The following PC variants were observed in gnomAD, a reference collection of about 807,000 sequenced individuals.
PC encodes the protein pyruvate carboxylase.
Under a neutral mutation model 107.8 loss-of-function variants are expected in PC, and 46 were observed. The observed-to-expected ratio is 0.43, with a 90% CI of 0.34 to 0.55. PC has a LOEUF of 0.55. Among genes scored for constraint, PC ranks in the 20% least tolerant of loss-of-function variants. The pLI is 0.04. For synonymous variants in PC, 662 were observed against 684.7 expected (o/e 0.97, Z 0.52); for missense variants, 1,241 against 1,643.1 (o/e 0.76, Z 4.23).
At chr11:66,908,330 T>C (rs559555918) in intron 3 of PC, among the ~76,000 whole-genome samples, 10 of 152,232 alleles carry the variant, frequency 6.6e-5, no homozygotes, top group African/African-American at 2.4e-4. Flanking sequence ...ACTGGTGACA[T>C]CATGGGCCTG....
At chr11:66,928,236 A>C (rs1948765172) in intron 3 of PC, among the ~76,000 whole-genome samples, 1 of 151,954 alleles carries the variant, frequency 6.6e-6, no homozygotes. Context: ...AATACAAAAA[A>C]ATTAGCCAGG....
In PC at chr11:66,867,637, A is replaced by G. The variant is rs116262260; in HGVS notation, c.1022+1209T>C. Among the ~76,000 whole-genome samples, 58 of 152,252 alleles carry G rather than the reference A, an allele frequency of 3.8e-4. 1 individual carries two copies. In the East Asian group the frequency reaches 0.01, roughly 27 times the overall value. On this transcript the variant is annotated intron_variant, in intron 10 of 22. Transcript: ENST00000393960. ...TCGAGGGTCAGAGAGGTTGGAGCTCACCCAGGCTCCACGTGGCTTGGGACC... is the reference window on the plus strand; with the variant it reads ...TCGAGGGTCAGAGAGGTTGGAGCTCGCCCAGGCTCCACGTGGCTTGGGACC...
chr11:66,868,032 G>A (rs1389034992), intron 10 of PC, among the ~76,000 whole-genome samples: 1 of 152,268 alleles, frequency 6.6e-6, no homozygotes, highest in Non-Finnish European at 1.5e-5. Context: ...CATCATGACT[G>A]TCATTTAGAA....
In PC at chr11:66,863,939, C is replaced by G; in HGVS notation, c.1203G>C (p.Glu401Asp). ...CATTATCCAGGCGGATGCCCATGCC[C>G]TCTCCGCTCCGGAACACCTGTGGGA... Reference protein sequence around the residue: ...TGRIEVFRSGEGMGIRLDNAS... With the variant: ...TGRIEVFRSGDGMGIRLDNAS... Residue 401 changes from glutamate to aspartate, a missense_variant, in exon 12 of 23, where the codon GAG (glutamate) becomes GAC (aspartate). Around this residue, in one of 2 missense-constraint regions of PC, gnomAD observed 1,143 missense variants for 1,551.9 expected, o/e 0.74. Transcript: ENST00000393960. The G allele has an allele frequency of 6.2e-7, 1 of 1,613,908 alleles. No individual in the cohort carries two copies. The highest frequency in any genetic ancestry group is 8.5e-7 in the Non-Finnish European group (1 of 1,180,026).
chr11:66,950,368 G>A (rs60917253), intron 3 of PC, among the ~76,000 whole-genome samples: 6,296 of 152,242 alleles, frequency 0.041, 410 homozygotes, highest in African/African-American at 0.14. Context: ...CAGCTGTCCC[G>A]TGCCCTCCCG....
At chr11:66,948,016 T>TAGATAGAA (rs1949343765) in intron 3 of PC, among the ~76,000 whole-genome samples, 1 of 43,236 alleles carries the variant, frequency 2.3e-5, no homozygotes, top group Admixed American at 1.9e-4. Flanking sequence ...CTACTAAAGA[T>TAGATAGAA]AGATAGATAG....
intron 3 of PC, among the ~76,000 whole-genome samples, chr11:66,916,870 C>T (rs897607903): frequency 6.6e-6 from 1 of 151,956 alleles, no homozygotes; most frequent in Non-Finnish European, 1.5e-5. Flanking sequence ...AGGAGAATGG[C>T]GTGAACCCGG....
At position 66,872,069 on chromosome 11, in the gene PC, G is replaced by A. The variant is rs866316103; in HGVS notation, c.91C>T (p.Arg31Cys). 5 of 1,565,290 alleles carry A rather than the reference G, an allele frequency of 3.2e-6. No homozygotes were observed. In the South Asian group the frequency reaches 3.5e-5, roughly 11 times the overall value. ...TAPAASPNVR[R>C]LEYKPIKKVM... ...TTCTTGATGGGCTTATACTCCAGGC[G>A]CCGGACATTTGGGGAGGCAGCGGGG... Residue 31 changes from arginine to cysteine, a missense_variant, in exon 4 of 23, where the codon CGC becomes TGC. By Grantham distance (180) the Arg-to-Cys change is radical. Around this residue, in one of 2 missense-constraint regions of PC, gnomAD observed 1,143 missense variants for 1,551.9 expected, o/e 0.74. Coordinates refer to ENST00000393960, the MANE Select transcript of PC (RefSeq NM_001040716.2).
chr11:66,957,485 G>A (rs1949592576), intron 1 of PC, among the ~76,000 whole-genome samples: 1 of 152,204 alleles, frequency 6.6e-6, no homozygotes, highest in Non-Finnish European at 1.5e-5. Context: ...AGGCGTGGTG[G>A]CGCCCGCCTG....
chr11:66,863,804 G>T lies in PC; in HGVS notation c.1338C>A (p.Ala446=). 2 of 1,613,334 alleles carry T rather than the reference G, an allele frequency of 1.2e-6. No individual in the cohort carries two copies. Among genetic ancestry groups the T allele is most frequent in the Non-Finnish European group, 8.5e-7 (1 of 1,179,958 alleles). ...HPTAATKMSR[A]LAEFRVRGVK... ...CACCTCGGACGCGGAACTCCGCAAG[G>T]GCCCTGCTCATCTTGGTGGCGGCCG... Residue 446 remains alanine, a synonymous_variant, in exon 12 of 23, where the codon GCC becomes GCA. Coordinates refer to ENST00000393960, the MANE Select transcript of PC (RefSeq NM_001040716.2).
intron 3 of PC, among the ~76,000 whole-genome samples, chr11:66,872,948 A>G (rs1222790429): frequency 1.3e-5 from 2 of 151,776 alleles, no homozygotes; most frequent in African/African-American, 4.8e-5. Flanking sequence ...GAGGCACGAG[A>G]ATCGCTTGAA....
At position 66,852,588 on chromosome 11, in the gene PC, T is replaced by C. The variant is rs772055263; in HGVS notation, c.1676A>G (p.Asn559Ser). ...GPEGFARAVR[N>S]HPGLLLMDTT... Reference sequence around the variant, plus strand: ...GTCCATCAGCAGCAGCCCCGGGTGGTTCCGCACAGCTCGAGCAAAGCCCTC... The same window carrying C: ...GTCCATCAGCAGCAGCCCCGGGTGGCTCCGCACAGCTCGAGCAAAGCCCTC... The change falls in exon 15 of 23, where the codon AAC becomes AGC. Residue 559 changes from asparagine to serine, a missense_variant. Asn to Ser is a conservative substitution (Grantham distance 46). Coordinates refer to ENST00000393960, the MANE Select transcript of PC (RefSeq NM_001040716.2). This position sits in a 1 kb window ranked among gnomAD's most constrained non-coding sequence, Gnocchi z 4.7. 1 of 1,613,968 alleles carries C rather than the reference T, an allele frequency of 6.2e-7. No homozygotes were observed. The highest frequency in any genetic ancestry group is 2.2e-5 in the East Asian group (1 of 44,874).
rs944115451 is a variant in PC, at chr11:66,945,689, T to C, written c.-1+6741A>G. On this transcript the variant is annotated intron_variant, in intron 3 of 22. Transcript: ENST00000393960. ...AATAATTTACTATACTTTAAAATCA[T>C]GTATTTAATTCCTTATTAGGTAAGC... is the stretch of plus-strand genomic sequence containing the variant. Among the ~76,000 whole-genome samples, 10 of 118,906 alleles carry C rather than the reference T, an allele frequency of 8.4e-5. 4 individuals are homozygous for C. The highest frequency in any genetic ancestry group is 1.1e-4 in the Non-Finnish European group (6 of 53,208). The allele number at this position is 118,906 out of a possible 152,430, so 78.0% of individuals were successfully genotyped here.
Position 66,853,042 on chromosome 11 carries a change from T to C in PC, c.1513+197A>G, listed in dbSNP as rs1354433116. ...GGACCACGTGGATGGAAAGGTGGGG[T>C]CTCTCAGATCAGAAGCAAGGAGAGC... On this transcript the variant is annotated intron_variant, in intron 13 of 22. Coordinates refer to ENST00000393960, the MANE Select transcript of PC (RefSeq NM_001040716.2). 8.6e-6 allele frequency: 6 copies of C among 696,874 alleles called. No homozygotes were observed. The Admixed American group carries it at 1.7e-4, about 19-fold the overall frequency. The allele number at this position is 696,874 out of a possible 1,614,324, so 43.2% of individuals were successfully genotyped here. A position where few individuals can be genotyped will look rare whatever the true frequency, so the allele number is the denominator to read the frequency against.
intron 12 of PC, among the ~76,000 whole-genome samples, chr11:66,861,206 GC>G (rs1040571321): frequency 6.6e-6 from 1 of 152,192 alleles, no homozygotes; most frequent in Non-Finnish European, 1.5e-5. Context: ...CCCTGGCCAG[GC>G]CCGGGCAGCC....
chr11:66,861,313 G>A (rs981369308), intron 12 of PC, among the ~76,000 whole-genome samples: 1 of 152,200 alleles, frequency 6.6e-6, no homozygotes, highest in African/African-American at 2.4e-5. Context: ...CCTGCAGAGG[G>A]TCAAGCTCCC....
In PC at chr11:66,870,863, G is replaced by T; in HGVS notation, c.663C>A (p.Tyr221Ter). 6.2e-7 allele frequency: 1 copy of T among 1,613,404 alleles called. No homozygotes were observed. The change falls in exon 8 of 23, where the codon TAC becomes TAA. Residue 221 changes from tyrosine to a stop codon, truncating the protein, a stop_gained. Transcript: ENST00000393960. LOFTEE classifies it high-confidence loss of function. The surrounding 1 kb of genome is among the most constrained non-coding windows in gnomAD (Gnocchi z 6.1). ...EELEENYTRAYSEALAAFGNG... is the reference protein window; with the variant it reads ...EELEENYTRA The stretch of plus-strand genomic sequence containing the variant: ...TCCCAAAGGCGGCCAGAGCCTCTGA[G>T]TAGGCCCGGGTGTAATTCTCCTCCA...
rs1351276638 is a variant in PC, at chr11:66,860,712, TA to T, written c.1368+3061del. On this transcript the variant is annotated intron_variant, in intron 12 of 22. Coordinates refer to ENST00000393960, the MANE Select transcript of PC (RefSeq NM_001040716.2). Reference sequence around the variant, plus strand: ...TGGGCAGGCGGCCTACCCTCGCCTGTAAGTGCAAAGAACGCCCCTTCCTGCC... The same window carrying T: ...TGGGCAGGCGGCCTACCCTCGCCTGTAGTGCAAAGAACGCCCCTTCCTGCC... The T allele has an allele frequency of 1.4e-5, 10 of 700,542 alleles. No individual in the cohort carries two copies. The East Asian group carries it at 2.7e-4, about 19-fold the overall frequency. The allele number at this position is 700,542 out of a possible 1,614,324, so 43.4% of individuals were successfully genotyped here. A position where few individuals can be genotyped will look rare whatever the true frequency, so the allele number is the denominator to read the frequency against.
intron 12 of PC, among the ~76,000 whole-genome samples, chr11:66,854,189 C>T (rs1160166744): frequency 1.3e-5 from 2 of 152,246 alleles, no homozygotes; most frequent in Non-Finnish European, 2.9e-5. Context: ...TCTTCTCCAT[C>T]TCCAGGCCAC....
Sources: allele counts gnomAD v4.1 joint callset (sites outside exome capture counted in the v4.1 genomes callset), GRCh38; gene constraint gnomAD v4.1.1; regional missense constraint gnomAD v4.1.1; non-coding constraint Gnocchi (gnomAD v3.1); transcripts MANE v1.5; gene names NCBI Gene and HGNC (gene_info 2026-07-23, HGNC 2026-07-21).